Variants in ACOX3 observed in about 807,000 individuals in gnomAD.
ACOX3 encodes peroxisomal acyl-coenzyme A oxidase 3.
A neutral mutation model predicts 81.5 loss-of-function variants in ACOX3; 73 were observed. The observed-to-expected ratio is 0.90, with a 90% confidence interval of 0.74 to 1.09. The LOEUF (loss-of-function observed/expected upper bound fraction) is 1.09. Among genes scored for constraint, ACOX3 ranks in the 50% least tolerant of loss-of-function variants. The pLI is 0.00. For synonymous variants in ACOX3, 387 were observed against 375.1 expected (o/e 1.03, Z -0.37); for missense variants, 947 against 928.0 (o/e 1.02, Z -0.27).
chr4:8,397,638 T>A (rs1308358313), intron 8 of ACOX3, among the ~76,000 whole-genome samples: 1 of 152,230 alleles, frequency 6.6e-6, no homozygotes, highest in East Asian at 1.9e-4. Context: ...CTCGCACGCA[T>A]CAGCGGCGTC....
chr4:8,426,584 C>CAGT (rs1422196447), intron 1 of ACOX3, among the ~76,000 whole-genome samples: 1 of 149,472 alleles, frequency 6.7e-6, no homozygotes, highest in African/African-American at 2.5e-5. Context: ...GCTATACTAC[C>CAGT]AGTAGCTCCC....
chr4:8,361,994 T>C (rs1001432252), downstream of ACOX3, among the ~76,000 whole-genome samples: 2 of 152,256 alleles, frequency 1.3e-5, no homozygotes, highest in African/African-American at 4.8e-5. Context: ...CATAAAATCA[T>C]TGCATGCCAC....
At chr4:8,393,087 G>C (rs1014902262) in intron 10 of ACOX3, 1 of 151,598 alleles carries the variant, frequency 6.6e-6, no homozygotes, top group Admixed American at 6.6e-5. Flanking sequence ...TTAGTATTTG[G>C]ATGGGAGACC....
At chr4:8,435,437 A>G (rs1458007776) in intron 1 of ACOX3, among the ~76,000 whole-genome samples, 1 of 152,166 alleles carries the variant, frequency 6.6e-6, no homozygotes, top group African/African-American at 2.4e-5. Flanking sequence ...CGGAGCTTGC[A>G]GTGAGTGGAG....
chr4:8,390,555 C>T (rs1054286605), intron 11 of ACOX3, among the ~76,000 whole-genome samples: 2 of 152,356 alleles, frequency 1.3e-5, no homozygotes, highest in South Asian at 2.1e-4. Context: ...TCTTTTAACA[C>T]AGGAAATTTC....
At chr4:8,362,493 A>G (rs537407430), downstream of ACOX3, among the ~76,000 whole-genome samples, 95 of 152,390 alleles carry the variant, frequency 6.2e-4, no homozygotes, top group Middle Eastern at 3.4e-3. Flanking sequence ...AGTTATTTGC[A>G]TAAGTGCAAT....
At chr4:8,378,981 G>T (rs1003457470) in intron 14 of ACOX3, among the ~76,000 whole-genome samples, 1 of 152,160 alleles carries the variant, frequency 6.6e-6, no homozygotes, top group Non-Finnish European at 1.5e-5. Flanking sequence ...TCCTGGCCCT[G>T]GCTCCAGGTC....
In ACOX3 at chr4:8,400,003, T is replaced by C. The variant is rs762904064; in HGVS notation, c.777-351A>G. ...GGCTTACGCCTGTAATCCCAGCACT[T>C]TGGGAGGCCGAGGTGGGTGGATCAC... is the stretch of plus-strand genomic sequence containing the variant. On this transcript the variant is annotated intron_variant, in intron 7 of 17. Transcript: ENST00000356406. This position sits in a 1 kb window ranked among gnomAD's most constrained non-coding sequence, Gnocchi z 4.4. Among the ~76,000 whole-genome samples the C allele has an allele frequency of 6.6e-6, 1 of 152,052 alleles. No homozygotes were observed. The highest frequency in any genetic ancestry group is 1.5e-5 in the Non-Finnish European group (1 of 68,000).
downstream of ACOX3, among the ~76,000 whole-genome samples, chr4:8,361,552 A>C (rs1715234793): frequency 6.6e-6 from 1 of 151,924 alleles, no homozygotes; most frequent in South Asian, 2.1e-4. Context: ...GGTGTGAACA[A>C]ATGGGCTAAA....
At chr4:8,356,511 C>G in the ACOX3 span, 1 of 449,374 alleles carries the variant, frequency 2.2e-6, no homozygotes, top group Non-Finnish European at 4.5e-6. Flanking sequence ...TGTGCCATCA[C>G]TTTAAGTGGA....
At chr4:8,413,443 GC>G (rs1315240781) in intron 5 of ACOX3, among the ~76,000 whole-genome samples, 2 of 78,542 alleles carry the variant, frequency 2.5e-5, no homozygotes, top group Admixed American at 1.6e-4. Context: ...GAACCCCTGC[GC>G]CCCTCCACAG....
At chr4:8,408,803 G>T (rs1369609293) in intron 6 of ACOX3, among the ~76,000 whole-genome samples, 1 of 150,314 alleles carries the variant, frequency 6.7e-6, no homozygotes, top group Non-Finnish European at 1.5e-5. Flanking sequence ...GGTACAATTA[G>T]GGGATTGATC....
chr4:8,397,583 A>G (rs1056555899), intron 8 of ACOX3, among the ~76,000 whole-genome samples: 2 of 152,244 alleles, frequency 1.3e-5, no homozygotes, highest in South Asian at 4.1e-4. Context: ...GTGAACAGGC[A>G]GTTCCTTTAC....
In ACOX3 at chr4:8,394,773, A is replaced by G. The variant is rs566008532; in HGVS notation, c.1057-31T>C. ...ACAGACAAGACACCTGCGTGAACACATCGTGGTTCCCATGAAGGGCAGCCC... is the reference window on the plus strand; with the variant it reads ...ACAGACAAGACACCTGCGTGAACACGTCGTGGTTCCCATGAAGGGCAGCCC... On this transcript the variant is annotated intron_variant, in intron 9 of 17. Transcript: ENST00000356406. The surrounding 1 kb of genome is among the most constrained non-coding windows in gnomAD (Gnocchi z 5.9). The G allele has an allele frequency of 5.1e-5, 81 of 1,599,752 alleles. 3 individuals are homozygous for G. In the South Asian group the frequency reaches 8.3e-4, roughly 16 times the overall value.
chr4:8,400,772 C>T lies in ACOX3; in HGVS notation c.777-1120G>A, dbSNP rs146565000. Among the ~76,000 whole-genome samples the T allele has an allele frequency of 1.9e-3, 285 of 152,306 alleles. 1 individual carries two copies. Among genetic ancestry groups the T allele is most frequent in the African/African-American group, 6.5e-3 (271 of 41,564 alleles). On this transcript the variant is annotated intron_variant, in intron 7 of 17. Transcript: ENST00000356406. This position sits in a 1 kb window ranked among gnomAD's most constrained non-coding sequence, Gnocchi z 4.4. The stretch of plus-strand genomic sequence containing the variant: ...AATGCCTTAGGGCAGCAGTCCGCAA[C>T]CTTTTTGGCACCAGGGACCGGTTTT...
intron 8 of ACOX3, among the ~76,000 whole-genome samples, chr4:8,397,717 G>T (rs12498856): frequency 6.6e-6 from 1 of 152,206 alleles, no homozygotes; most frequent in Non-Finnish European, 1.5e-5. Flanking sequence ...CTTGCCACGT[G>T]ATCTGACCGT....
At chr4:8,435,819 A>G (rs1196859782) in intron 1 of ACOX3, among the ~76,000 whole-genome samples, 1 of 152,196 alleles carries the variant, frequency 6.6e-6, no homozygotes, top group Non-Finnish European at 1.5e-5. Context: ...GCCGCCAGAG[A>G]TAACAGAAAT....
rs761418378 is a variant in ACOX3, at chr4:8,414,359, G to A, written c.476C>T (p.Thr159Ile). 2 of 1,614,158 alleles carry A rather than the reference G, an allele frequency of 1.2e-6. No individual in the cohort carries two copies. The highest frequency in any genetic ancestry group is 2.2e-5 in the South Asian group (2 of 91,078). The change falls in exon 5 of 18, where the codon ACC becomes ATC. Residue 159 changes from threonine (T) to isoleucine (I), a missense_variant. Coordinates refer to ENST00000356406, the MANE Select transcript of ACOX3 (RefSeq NM_003501.3). This position sits in a 1 kb window ranked among gnomAD's most constrained non-coding sequence, Gnocchi z 6.1. ...RMEIFGCFAL[T>I]ELSHGSNTKA... ...GGTATTACTGCCGTGGCTTAATTCGGTCAGAGCAAAACATCCAAAAATCTA... is the reference window on the plus strand; with the variant it reads ...GGTATTACTGCCGTGGCTTAATTCGATCAGAGCAAAACATCCAAAAATCTA...
At chr4:8,427,850 G>A (rs1444565670) in intron 1 of ACOX3, among the ~76,000 whole-genome samples, 4 of 152,202 alleles carry the variant, frequency 2.6e-5, no homozygotes, top group Admixed American at 6.5e-5. Context: ...CACCTGGCTA[G>A]TGCCCAGGGT....
Sources: allele counts gnomAD v4.1 joint callset (sites outside exome capture counted in the v4.1 genomes callset), GRCh38; gene constraint gnomAD v4.1.1; non-coding constraint Gnocchi (gnomAD v3.1); transcripts MANE v1.5; gene names NCBI Gene and HGNC (gene_info 2026-07-23, HGNC 2026-07-21).